The following LAMA3 variants were observed in gnomAD, a reference collection of about 807,000 sequenced individuals.
LAMA3 encodes laminin subunit alpha 3, also known as laminin subunit alpha-3.
LAMA3 carries 281 observed loss-of-function variants against 402.0 expected under a neutral mutation model. That is an observed-to-expected ratio of 0.70 (90% CI 0.63 to 0.77). The LOEUF is 0.77. Among genes scored for constraint, LAMA3 ranks in the 30% least tolerant of loss-of-function variants. The pLI is 0.00. For missense variants in LAMA3, 3,840 were observed against 4,215.5 expected (o/e 0.91, Z 2.47); for synonymous variants, 1,431 against 1,558.4 (o/e 0.92, Z 1.93).
Position 23,781,943 on chromosome 18 carries a change from T to C in LAMA3, c.1469-2080T>C, listed in dbSNP as rs188981766. 6.9e-3 allele frequency among the ~76,000 whole-genome samples: 1,048 copies of C among 152,344 alleles called. 10 individuals are homozygous for C. The highest frequency in any genetic ancestry group is 0.017 in the Middle Eastern group (5 of 294). On this transcript the variant is annotated intron_variant, in intron 11 of 74. Coordinates refer to ENST00000313654, the MANE Select transcript of LAMA3 (RefSeq NM_198129.4). ...ATTAGGCAACTGTTTGGTTGAAGTA[T>C]GAACAAGTTAAAAATCATGTAAAGA...
chr18:23,853,163 G>GCACTCAATAATTT (rs2063984071), intron 32 of LAMA3, among the ~76,000 whole-genome samples: 1 of 152,130 alleles, frequency 6.6e-6, no homozygotes, highest in Non-Finnish European at 1.5e-5. Flanking sequence ...TATGTAGAAG[G>GCACTCAATAATTT]CACTCAATAA....
chr18:23,878,021 G>A (rs1205112481), intron 39 of LAMA3, among the ~76,000 whole-genome samples: 1 of 152,168 alleles, frequency 6.6e-6, no homozygotes, highest in African/African-American at 2.4e-5. Context: ...GCTGAGGCAG[G>A]AGAATGGCGT....
chr18:23,916,005 C>CAAAAAAAAA (rs1408575781), intron 59 of LAMA3, among the ~76,000 whole-genome samples: 3 of 41,946 alleles, frequency 7.2e-5, no homozygotes, highest in African/African-American at 2.7e-4. Flanking sequence ...GACTCCATCT[C>CAAAAAAAAA]CAAAAAAAAA....
intron 13 of LAMA3, among the ~76,000 whole-genome samples, chr18:23,812,030 T>TCCCA (rs1568209385): frequency 2.0e-5 from 3 of 151,734 alleles, no homozygotes; most frequent in African/African-American, 7.3e-5. Flanking sequence ...TGTGCCACCA[T>TCCCA]GCCTAGCTAA....
At chr18:23,865,259 A>C (rs569538720) in intron 36 of LAMA3, among the ~76,000 whole-genome samples, 1 of 152,188 alleles carries the variant, frequency 6.6e-6, no homozygotes, top group Admixed American at 6.5e-5. Flanking sequence ...CTCCCCAAGC[A>C]CTGGAGTTAT....
At chr18:23,836,955 T>C in intron 24 of LAMA3, 26 bp from the exon 25 acceptor site, 1 of 1,562,326 alleles carries the variant, frequency 6.4e-7, no homozygotes, top group Non-Finnish European at 8.8e-7. Context: ...GGAGTCAGGC[T>C]AAGAAAACTC....
intron 41 of LAMA3, among the ~76,000 whole-genome samples, chr18:23,888,581 A>G (rs1214780994): frequency 6.6e-6 from 1 of 152,216 alleles, no homozygotes; most frequent in Non-Finnish European, 1.5e-5. Context: ...ACAGAGGGTT[A>G]CAGCAACAGC....
At chr18:23,826,898 A>T in intron 22 of LAMA3, 99 bp downstream of exon 22, 1 of 733,692 alleles carries the variant, frequency 1.4e-6, no homozygotes. Flanking sequence ...TCACAACGAC[A>T]GCATGATGCT....
At chr18:23,840,381 C>CTTTT (rs1303915333) in intron 27 of LAMA3, among the ~76,000 whole-genome samples, 23 of 28,330 alleles carry the variant, frequency 8.1e-4, no homozygotes, top group Non-Finnish European at 1.3e-3. Context: ...ACCTTTCTTT[C>CTTTT]TTTTTTTTTT....
intron 41 of LAMA3, among the ~76,000 whole-genome samples, chr18:23,886,239 T>A (rs1475648793): frequency 6.6e-6 from 1 of 152,222 alleles, no homozygotes; most frequent in Non-Finnish European, 1.5e-5. Flanking sequence ...TTTAATACTT[T>A]TTGCAAAATT....
chr18:23,873,549 C>G (rs1285557689), intron 38 of LAMA3, among the ~76,000 whole-genome samples: 4 of 152,122 alleles, frequency 2.6e-5, no homozygotes, highest in Admixed American at 2.6e-4. Context: ...TATAGCTTTC[C>G]AAATGCTACT....
intron 54 of LAMA3, among the ~76,000 whole-genome samples, chr18:23,908,871 G>A (rs539880622): frequency 6.6e-5 from 10 of 152,292 alleles, no homozygotes; most frequent in East Asian, 1.9e-4. Flanking sequence ...ATGAGATTTC[G>A]TCATGCTATT....
At chr18:23,707,183 C>T (rs2060906247) in intron 1 of LAMA3, among the ~76,000 whole-genome samples, 1 of 152,176 alleles carries the variant, frequency 6.6e-6, no homozygotes, top group African/African-American at 2.4e-5. Flanking sequence ...TGGGGTAACT[C>T]ACTTAGTTGC....
At chr18:23,934,358 C>T (rs2082251416) in intron 67 of LAMA3, among the ~76,000 whole-genome samples, 1 of 152,166 alleles carries the variant, frequency 6.6e-6, no homozygotes, top group South Asian at 2.1e-4. Context: ...ACTAGAAACA[C>T]CTGGGGAGCT....
In LAMA3 at chr18:23,689,938, C is replaced by T. The variant is rs1409713858; in HGVS notation, c.255C>T (p.Val85=). ...RPQPELYCKL[V]GGPTAPGSGH... The stretch of plus-strand genomic sequence containing the variant: ...AGCCCGAGCTCTACTGCAAGTTGGT[C>T]GGGGGCCCCACCGCCCCAGGCAGCG... Residue 85 remains valine (V), a synonymous_variant, in exon 1 of 75, where the codon GTC becomes GTT. Transcript: ENST00000313654. The T allele has an allele frequency of 6.6e-6, 10 of 1,524,442 alleles. No individual in the cohort carries two copies. Among genetic ancestry groups the T allele is most frequent in the Non-Finnish European group, 8.8e-6 (10 of 1,135,532 alleles). The allele number at this position is 1,524,442 out of a possible 1,614,324, so 94.4% of individuals were successfully genotyped here.
At chr18:23,779,952 G>A (rs1246447705) in intron 11 of LAMA3, among the ~76,000 whole-genome samples, 2 of 152,128 alleles carry the variant, frequency 1.3e-5, no homozygotes, top group Non-Finnish European at 2.9e-5. Flanking sequence ...CAGATACTGG[G>A]CCACTTGAGG....
At chr18:23,850,032 G>A (rs186509305) in intron 32 of LAMA3, among the ~76,000 whole-genome samples, 1 of 152,216 alleles carries the variant, frequency 6.6e-6, no homozygotes, top group East Asian at 1.9e-4. Flanking sequence ...AATATTAGAG[G>A]AAAAACTATT....
chr18:23,811,638 A>G (rs1187993365), intron 13 of LAMA3, among the ~76,000 whole-genome samples: 1 of 152,144 alleles, frequency 6.6e-6, no homozygotes, highest in African/African-American at 2.4e-5. Flanking sequence ...TGTGTCCTGG[A>G]GAGGAACCCG....
chr18:23,844,946 T>C, intron 29 of LAMA3, 63 bp from the exon 30 acceptor site: 1 of 947,388 alleles, frequency 1.1e-6, no homozygotes, highest in Non-Finnish European at 1.7e-6. Flanking sequence ...ACCTGTATAA[T>C]AAGTAGCCTT....
Sources: allele counts gnomAD v4.1 joint callset (sites outside exome capture counted in the v4.1 genomes callset), GRCh38; gene constraint gnomAD v4.1.1; transcripts MANE v1.5; gene names NCBI Gene and HGNC (gene_info 2026-07-23, HGNC 2026-07-21).